MAP2K3: variants seen among roughly 807,000 people sequenced by gnomAD.
MAP2K3 encodes mitogen-activated protein kinase kinase 3.
In MAP2K3, 30 loss-of-function variants were observed where a neutral mutation model predicts 46.4. The observed-to-expected ratio is 0.65, with a 90% CI of 0.48 to 0.88. The LOEUF is 0.88. Ranked by LOEUF, MAP2K3 falls within the 40% of genes least tolerant of loss-of-function variation. The pLI, the probability that MAP2K3 is intolerant of heterozygous loss-of-function variation, is 0.00. For missense variants in MAP2K3, 380 were observed against 464.5 expected (o/e 0.82, Z 1.67); for synonymous variants, 189 against 176.3 (o/e 1.07, Z -0.57).
rs907159395 is a variant in MAP2K3, at chr17:21,293,947, CT to C, written c.50-4465del. On this transcript the variant is annotated intron_variant, in intron 1 of 11. Coordinates refer to ENST00000342679, the MANE Select transcript of MAP2K3 (RefSeq NM_145109.3). ...CTGCCTGAAGGTGCATGGCCACCCCCTGCTGCCCACAGGTGCTTGGCAGTGG... is the reference window on the plus strand; with the variant it reads ...CTGCCTGAAGGTGCATGGCCACCCCCGCTGCCCACAGGTGCTTGGCAGTGG... Among the ~76,000 whole-genome samples, 10 of 152,424 alleles carry C rather than the reference CT, an allele frequency of 6.6e-5. No individual in the cohort carries two copies. The South Asian group carries it at 2.1e-3, about 32-fold the overall frequency.
At chr17:21,302,011 G>T in intron 5 of MAP2K3, 132 bp from the exon 6 acceptor site, 1 of 877,404 alleles carries the variant, frequency 1.1e-6, no homozygotes, top group Non-Finnish European at 1.8e-6. Context: ...GGAGCCCGGT[G>T]AACTGTGGCT....
chr17:21,298,430 A>G lies in MAP2K3; in HGVS notation c.67A>G (p.Lys23Glu). The change falls in exon 2 of 12, where the codon AAG becomes GAG. Residue 23 changes from lysine (K) to glutamate (E), a missense_variant. Physicochemically the swap from Lys to Glu is moderately conservative, Grantham distance 56 (BLOSUM62 1). Around this residue, in one of 5 missense-constraint regions of MAP2K3, gnomAD observed 294 missense variants for 275.4 expected, o/e 1.07. Transcript: ENST00000342679. ...CATTCTAGGAAAATCCAAGAGGAAGAAGGATCTACGGATATCCTGCATGTC... is the reference window on the plus strand; with the variant it reads ...CATTCTAGGAAAATCCAAGAGGAAGGAGGATCTACGGATATCCTGCATGTC... ...PQSKGKSKRK[K>E]DLRISCMSKP... The G allele has an allele frequency of 1.9e-6, 3 of 1,614,314 alleles. No individual in the cohort carries two copies. The highest frequency in any genetic ancestry group is 2.5e-6 in the Non-Finnish European group (3 of 1,180,060).
chr17:21,301,123 CGT>C, intron 5 of MAP2K3, 130 bp downstream of exon 5: 1 of 1,488,582 alleles, frequency 6.7e-7, no homozygotes, highest in Non-Finnish European at 9.2e-7. Context: ...GAGGCTCCCC[CGT>C]CTCTTGGCTG....
In MAP2K3 at chr17:21,302,374, A is replaced by G. The variant is rs1976657028; in HGVS notation, c.516+115A>G. On this transcript the variant is annotated intron_variant, in intron 6 of 11. Coordinates refer to ENST00000342679, the MANE Select transcript of MAP2K3 (RefSeq NM_145109.3). Reference sequence around the variant, plus strand: ...GTGTCTTGGGCAGAGCTGGGCATCAATGTGCCCCCTGAACCTGGGCAGCTG... The same window carrying G: ...GTGTCTTGGGCAGAGCTGGGCATCAGTGTGCCCCCTGAACCTGGGCAGCTG... The G allele has an allele frequency of 1.2e-5, 14 of 1,178,930 alleles. No homozygotes were observed. The Admixed American group carries it at 1.6e-4, about 14-fold the overall frequency. 73.0% of individuals were successfully genotyped at this position (1,178,930 alleles called of 1,614,324 possible).
At position 21,298,465 on chromosome 17, in the gene MAP2K3, C is replaced by A. The variant is rs145057136; in HGVS notation, c.102C>A (p.Pro34=). The A allele has an allele frequency of 3.7e-6, 6 of 1,614,158 alleles. No homozygotes were observed. The highest frequency in any genetic ancestry group is 2.7e-5 in the African/African-American group (2 of 74,968). ...DLRISCMSKP[P]APNPTPPRNL... is the part of the protein sequence containing the mutation. Reference sequence around the variant, plus strand: ...GGATATCCTGCATGTCCAAGCCACCCGCACCCAACCCCACGTGAGTCTGCC... The same window carrying A: ...GGATATCCTGCATGTCCAAGCCACCAGCACCCAACCCCACGTGAGTCTGCC... The change falls in exon 2 of 12, where the codon CCC becomes CCA. Residue 34 remains proline, a synonymous_variant. Coordinates refer to ENST00000342679, the MANE Select transcript of MAP2K3 (RefSeq NM_145109.3).
rs1976574513 is a variant in MAP2K3 at position 21,301,097 on chromosome 17, C to A, written c.399+104C>A. The A allele has an allele frequency of 5.1e-6, 8 of 1,582,970 alleles. No homozygotes were observed. The Admixed American group carries it at 1.4e-4, about 27-fold the overall frequency. ...TCCAGTACGCCAGGTGCTGGGGACA[C>A]CTGGCATACTGGCAGGAGGCTCCCC... On this transcript the variant is annotated intron_variant, in intron 5 of 11. Transcript: ENST00000342679.
intron 1 of MAP2K3, among the ~76,000 whole-genome samples, chr17:21,292,276 C>G (rs1267793076): frequency 1.3e-5 from 2 of 152,312 alleles, no homozygotes; most frequent in African/African-American, 4.8e-5. Context: ...ATTGCCTGCA[C>G]TTGAGTAGCC....
At chr17:21,296,015 G>A (rs1023487051) in intron 1 of MAP2K3, 26 of 1,280,398 alleles carry the variant, frequency 2.0e-5, no homozygotes, top group Non-Finnish European at 2.5e-5. Flanking sequence ...GTTACGAAAA[G>A]CCTGACATCA....
chr17:21,295,887 G>C, intron 1 of MAP2K3: 1 of 1,280,500 alleles, frequency 7.8e-7, no homozygotes. Context: ...AGAGTGCAGG[G>C]AGGGTGTGGC....
chr17:21,298,822 C>T (rs973352420), intron 2 of MAP2K3, 56 bp from the exon 3 acceptor site: 4 of 1,612,900 alleles, frequency 2.5e-6, no homozygotes, highest in Non-Finnish European at 3.4e-6. Flanking sequence ...TCTACTGCTG[C>T]ACTTGGGGAA....
chr17:21,290,309 T>C (rs1468069883), intron 1 of MAP2K3, among the ~76,000 whole-genome samples: 2 of 152,166 alleles, frequency 1.3e-5, no homozygotes, highest in African/African-American at 4.8e-5. Flanking sequence ...GCTCTGGGTA[T>C]GGGGATGGAG....
intron 1 of MAP2K3, among the ~76,000 whole-genome samples, chr17:21,292,938 A>G (rs1182549644): frequency 1.3e-5 from 2 of 152,310 alleles, no homozygotes; most frequent in Non-Finnish European, 2.9e-5. Context: ...CCTGGGCCTC[A>G]GTTTCCCCAT....
At chr17:21,297,211 T>C (rs1480968421) in intron 1 of MAP2K3, among the ~76,000 whole-genome samples, 2 of 152,308 alleles carry the variant, frequency 1.3e-5, no homozygotes, top group Non-Finnish European at 2.9e-5. Context: ...CACAAGTCTG[T>C]GTTGCACCGT....
chr17:21,302,390 T>G, intron 6 of MAP2K3, 131 bp downstream of exon 6: 3 of 1,001,558 alleles, frequency 3.0e-6, no homozygotes, highest in Non-Finnish European at 4.6e-6. Flanking sequence ...CCCCTGAACC[T>G]GGGCAGCTGC....
chr17:21,306,197 T>C (rs1976884226), intron 9 of MAP2K3, among the ~76,000 whole-genome samples: 1 of 152,224 alleles, frequency 6.6e-6, no homozygotes. Flanking sequence ...ACACACCAGT[T>C]GGAAGTAGCG....
intron 1 of MAP2K3, among the ~76,000 whole-genome samples, chr17:21,286,661 T>A (rs1476965327): frequency 1.3e-5 from 2 of 152,194 alleles, no homozygotes; most frequent in Admixed American, 1.3e-4. Context: ...GAAGCACTGT[T>A]TGTTTTGGAG....
intron 1 of MAP2K3, among the ~76,000 whole-genome samples, chr17:21,292,026 G>A (rs1276909050): frequency 1.3e-5 from 2 of 152,310 alleles, no homozygotes; most frequent in Non-Finnish European, 2.9e-5. Context: ...GTGCGGGGAA[G>A]GCAGGAGCTG....
At chr17:21,294,844 A>G (rs1386521815) in intron 1 of MAP2K3, among the ~76,000 whole-genome samples, 1 of 152,312 alleles carries the variant, frequency 6.6e-6, no homozygotes, top group Non-Finnish European at 1.5e-5. Flanking sequence ...ACATATGTCC[A>G]GAGAGGTGAA....
chr17:21,310,059 G>A (rs1358502798), intron 9 of MAP2K3, among the ~76,000 whole-genome samples: 1 of 150,494 alleles, frequency 6.6e-6, no homozygotes, highest in Non-Finnish European at 1.5e-5. Flanking sequence ...AGGCTGCAGT[G>A]CAGTGGTGCA....
Sources: allele counts gnomAD v4.1 joint callset (sites outside exome capture counted in the v4.1 genomes callset), GRCh38; gene constraint gnomAD v4.1.1; regional missense constraint gnomAD v4.1.1; transcripts MANE v1.5; gene names NCBI Gene and HGNC (gene_info 2026-07-23, HGNC 2026-07-21).